MPPED2: variants seen among roughly 807,000 people sequenced by gnomAD.
MPPED2 encodes metallophosphoesterase MPPED2.
MPPED2 carries 5 observed loss-of-function variants against 33.0 expected under a neutral mutation model. The observed-to-expected ratio is 0.15, with a 90% CI of 0.08 to 0.32. The LOEUF (loss-of-function observed/expected upper bound fraction) is 0.32. Among genes scored for constraint, MPPED2 ranks in the 10% least tolerant of loss-of-function variants. MPPED2 has a pLI of 1.00. For missense variants in MPPED2, 275 were observed against 372.1 expected (o/e 0.74, Z 2.15); for synonymous variants, 136 against 141.9 (o/e 0.96, Z 0.29).
chr11:30,559,597 T>C (rs1956148277), intron 2 of MPPED2, among the ~76,000 whole-genome samples: 1 of 152,178 alleles, frequency 6.6e-6, no homozygotes, highest in Non-Finnish European at 1.5e-5. Context: ...TTCTTTTAAA[T>C]AATATGGGAA....
chr11:30,534,411 C>G (rs1954699470), intron 3 of MPPED2, among the ~76,000 whole-genome samples: 1 of 152,062 alleles, frequency 6.6e-6, no homozygotes, highest in African/African-American at 2.4e-5. Context: ...GATTTAGAAC[C>G]AACTCTGCCA....
In MPPED2 at chr11:30,583,134, C is replaced by CT. The variant is rs199611856; in HGVS notation, c.-121-2641dup. On this transcript the variant is annotated intron_variant, in intron 1 of 6. Transcript: ENST00000358117. Reference sequence around the variant, plus strand: ...CACAAACACCTGGAAAAGACTTTTTCTTTTTTTTTTTTTTTTTTTTTTTTT... The same window carrying CT: ...CACAAACACCTGGAAAAGACTTTTTCTTTTTTTTTTTTTTTTTTTTTTTTTT... Among the ~76,000 whole-genome samples, 593 of 96,614 alleles carry CT rather than the reference C, an allele frequency of 6.1e-3. 14 individuals carry two copies. Among genetic ancestry groups the CT allele is most frequent in the Non-Finnish European group, 8.5e-3 (429 of 50,492 alleles). The allele number at this position is 96,614 out of a possible 152,430, so 63.4% of individuals were successfully genotyped here.
In MPPED2 at chr11:30,410,347, T is replaced by G. The variant is rs1761107752; in HGVS notation, c.*1121A>C. ...AAAGTAACATAAAATAGAATAAAGC[T>G]CAACAGCATTTACAATGGGAAAACA... On this transcript the variant is annotated 3_prime_UTR_variant, in exon 7 of 7. Transcript: ENST00000358117. The G allele has an allele frequency of 2.0e-6, 2 of 985,676 alleles. No individual in the cohort carries two copies. Among genetic ancestry groups the G allele is most frequent in the Non-Finnish European group, 2.4e-6 (2 of 829,854 alleles). The allele number at this position is 985,676 out of a possible 1,614,324, so 61.1% of individuals were successfully genotyped here. A position where few individuals can be genotyped will look rare whatever the true frequency, so the allele number is the denominator to read the frequency against.
At chr11:30,553,478 C>G (rs537166494) in intron 2 of MPPED2, among the ~76,000 whole-genome samples, 3 of 152,294 alleles carry the variant, frequency 2.0e-5, no homozygotes, top group Non-Finnish European at 4.4e-5. Context: ...GTTGCATTTG[C>G]ATTTCTTATG....
At chr11:30,451,826 C>G in intron 4 of MPPED2, 1 of 985,380 alleles carries the variant, frequency 1.0e-6, no homozygotes, top group Non-Finnish European at 1.2e-6. Flanking sequence ...CACTGACTGA[C>G]AGGCTGCGGT....
intron 6 of MPPED2, among the ~76,000 whole-genome samples, chr11:30,392,109 C>T (rs893955687): frequency 5.3e-5 from 8 of 152,162 alleles, no homozygotes; most frequent in African/African-American, 1.9e-4. Flanking sequence ...CTCTTCCTTC[C>T]ACTTTGAATT....
chr11:30,471,243 C>T (rs2134060692), intron 4 of MPPED2, among the ~76,000 whole-genome samples: 1 of 152,306 alleles, frequency 6.6e-6, no homozygotes, highest in African/African-American at 2.4e-5. Context: ...ACAATTATAA[C>T]ATTCCTGGTC....
At chr11:30,551,504 T>G (rs1955712576) in intron 2 of MPPED2, among the ~76,000 whole-genome samples, 1 of 152,198 alleles carries the variant, frequency 6.6e-6, no homozygotes, top group Non-Finnish European at 1.5e-5. Context: ...AATAAATTCC[T>G]TTTAAAATAT....
chr11:30,539,351 G>C (rs1045843494), intron 2 of MPPED2, among the ~76,000 whole-genome samples: 8 of 152,064 alleles, frequency 5.3e-5, no homozygotes, highest in African/African-American at 1.9e-4. Context: ...AAATATCCTA[G>C]CAAGTGAGTA....
intron 4 of MPPED2, among the ~76,000 whole-genome samples, chr11:30,449,514 T>C (rs1355557252): frequency 6.8e-6 from 1 of 147,662 alleles, no homozygotes; most frequent in Non-Finnish European, 1.5e-5. Context: ...TGTGGTGGCG[T>C]GCGCCTGAGT....
Position 30,536,261 on chromosome 11 carries a change from C to T in MPPED2, c.129-86G>A, listed in dbSNP as rs1015223942. On this transcript the variant is annotated intron_variant, in intron 2 of 6. Coordinates refer to ENST00000358117, the MANE Select transcript of MPPED2 (RefSeq NM_001584.3). ...TCGCACATACATATTTATTATTATT[C>T]GTGAATGCACCCAGACAAACTGACG... The T allele has an allele frequency of 1.1e-5, 13 of 1,183,574 alleles. No homozygotes were observed. The African/African-American group carries it at 2.0e-4, about 18-fold the overall frequency. The allele number at this position is 1,183,574 out of a possible 1,614,324, so 73.3% of individuals were successfully genotyped here.
At chr11:30,499,793 C>A (rs1464201522) in intron 3 of MPPED2, among the ~76,000 whole-genome samples, 1 of 152,288 alleles carries the variant, frequency 6.6e-6, no homozygotes, top group East Asian at 1.9e-4. Flanking sequence ...GCTGGTGGGA[C>A]CAATTCAGCC....
At chr11:30,562,227 G>C (rs1198540463) in intron 2 of MPPED2, among the ~76,000 whole-genome samples, 1 of 152,136 alleles carries the variant, frequency 6.6e-6, no homozygotes. Flanking sequence ...TGCAATTGCT[G>C]TCCAAGTGTG....
intron 2 of MPPED2, among the ~76,000 whole-genome samples, chr11:30,537,557 A>G (rs1443241226): frequency 6.6e-6 from 1 of 152,178 alleles, no homozygotes; most frequent in Non-Finnish European, 1.5e-5. Flanking sequence ...GGGAAATAGA[A>G]GAGATCAGTG....
rs1948078309 is a variant in MPPED2 at position 30,410,932 on chromosome 11, T to C, written c.*536A>G. The C allele has an allele frequency of 2.0e-6, 2 of 985,646 alleles. No individual in the cohort carries two copies. Among genetic ancestry groups the C allele is most frequent in the Non-Finnish European group, 2.4e-6 (2 of 829,958 alleles). 61.1% of individuals were successfully genotyped at this position (985,646 alleles called of 1,614,324 possible). ...CTTCTCAATGCAGCTTTCTTTATAG[T>C]GAGAGTATGAAAAGAAGTCTTTTCC... On this transcript the variant is annotated 3_prime_UTR_variant, in exon 7 of 7. Coordinates refer to ENST00000358117, the MANE Select transcript of MPPED2 (RefSeq NM_001584.3).
intron 3 of MPPED2, among the ~76,000 whole-genome samples, chr11:30,519,734 G>C (rs1404967952): frequency 6.6e-6 from 1 of 151,682 alleles, no homozygotes; most frequent in Non-Finnish European, 1.5e-5. Flanking sequence ...AACTATTCTG[G>C]TATTCCTACT....
At chr11:30,572,476 T>A (rs568803254) in intron 2 of MPPED2, among the ~76,000 whole-genome samples, 3 of 152,232 alleles carry the variant, frequency 2.0e-5, no homozygotes, top group East Asian at 3.9e-4. Flanking sequence ...TGTTTATATA[T>A]AAAGTGCAAA....
chr11:30,521,930 G>A lies in MPPED2; in HGVS notation c.310+14064C>T, dbSNP rs1376108848. Among the ~76,000 whole-genome samples, 5 of 152,132 alleles carry A rather than the reference G, an allele frequency of 3.3e-5. No individual in the cohort carries two copies. In the East Asian group the frequency reaches 5.8e-4, roughly 18 times the overall value. On this transcript the variant is annotated intron_variant, in intron 3 of 6. Transcript: ENST00000358117. ...TAACTTCCTTGTATGTTTGCTGGGCGGGCTGAATGAGATAAATGTGTTTGC... is the reference window on the plus strand; with the variant it reads ...TAACTTCCTTGTATGTTTGCTGGGCAGGCTGAATGAGATAAATGTGTTTGC...
At chr11:30,502,026 C>A (rs1798212789) in intron 3 of MPPED2, among the ~76,000 whole-genome samples, 1 of 152,126 alleles carries the variant, frequency 6.6e-6, no homozygotes, top group African/African-American at 2.4e-5. Flanking sequence ...TTGATTTTAC[C>A]ATCTGGGGAA....
Sources: allele counts gnomAD v4.1 joint callset (sites outside exome capture counted in the v4.1 genomes callset), GRCh38; gene constraint gnomAD v4.1.1; transcripts MANE v1.5; gene names NCBI Gene and HGNC (gene_info 2026-07-23, HGNC 2026-07-21).